Variants in CMYA5 observed in about 807,000 individuals in gnomAD.
CMYA5 encodes the protein cardiomyopathy associated 5.
A neutral mutation model predicts 318.9 loss-of-function variants in CMYA5; 246 were observed. The observed-to-expected ratio is 0.77, with a 90% CI of 0.70 to 0.86. The LOEUF is 0.86. CMYA5 is among the 40% of genes least tolerant of loss of function. CMYA5 has a pLI of 0.00. For missense variants in CMYA5, 4,589 were observed against 4,678.2 expected, an observed-to-expected ratio of 0.98 and a Z score of 0.56; for synonymous variants, 1,641 against 1,729.5, an observed-to-expected ratio of 0.95 and a Z score of 1.27.
Position 79,799,493 on chromosome 5 carries a change from G to A in CMYA5, c.12087G>A (p.Gln4029=), listed in dbSNP as rs1318209790. ...TCTTCATCAACGCAGAGAGCGAGCA[G>A]TTGCTCTTCATCATCAGGCACAGGT... is the stretch of plus-strand genomic sequence containing the variant. ...RLIFINAESE[Q]LLFIIRHRFN... Residue 4029 remains glutamine, a synonymous_variant, in exon 13 of 13, where the codon CAG becomes CAA. Transcript: ENST00000446378. The A allele has an allele frequency of 1.2e-6, 2 of 1,614,032 alleles. No individual in the cohort carries two copies. The highest frequency in any genetic ancestry group is 2.7e-5 in the African/African-American group (2 of 75,056).
At chr5:79,725,835 C>T (rs868038291) in intron 1 of CMYA5, among the ~76,000 whole-genome samples, 8 of 152,292 alleles carry the variant, frequency 5.3e-5, no homozygotes, top group Middle Eastern at 6.8e-3. Flanking sequence ...ACCCAGGAGG[C>T]AGAGGTTGCA....
At position 79,763,143 on chromosome 5, in the gene CMYA5, C is replaced by A. The variant is rs1346325492; in HGVS notation, c.11489C>A (p.Pro3830Gln). ...ACTATCCGATGGCGGCCCACCACCC[C>A]AGAGGCCACGGAGACCTACACTCTG... ...TATIRWRPTT[P>Q]EATETYTLEY... Residue 3830 changes from proline (P) to glutamine (Q), a missense_variant, in exon 9 of 13, where the codon CCA (proline) becomes CAA (glutamine). Coordinates refer to ENST00000446378, the MANE Select transcript of CMYA5 (RefSeq NM_153610.5). 1.2e-6 allele frequency: 2 copies of A among 1,610,430 alleles called. No individual in the cohort carries two copies.
chr5:79,751,220 A>G (rs542872347), intron 5 of CMYA5, among the ~76,000 whole-genome samples: 1 of 152,286 alleles, frequency 6.6e-6, no homozygotes, highest in Non-Finnish European at 1.5e-5. Flanking sequence ...CTCAGTGGGT[A>G]TGAAAGGCTC....
intron 1 of CMYA5, among the ~76,000 whole-genome samples, chr5:79,719,662 T>C (rs1463944628): frequency 2.0e-5 from 3 of 152,120 alleles, no homozygotes; most frequent in Non-Finnish European, 4.4e-5. Flanking sequence ...GAACACACAA[T>C]GAAAATATAA....
At chr5:79,768,236 G>A (rs553529818) in intron 9 of CMYA5, among the ~76,000 whole-genome samples, 5 of 152,190 alleles carry the variant, frequency 3.3e-5, no homozygotes, top group African/African-American at 1.2e-4. Context: ...ACACCAGTGG[G>A]TCTTGACTCT....
intron 1 of CMYA5, among the ~76,000 whole-genome samples, chr5:79,719,978 A>C (rs2151081058): frequency 6.6e-6 from 1 of 152,362 alleles, no homozygotes; most frequent in South Asian, 2.1e-4. Flanking sequence ...AACAGTTTAG[A>C]CACAGTTGAA....
chr5:79,703,908 T>C (rs928716062), intron 1 of CMYA5, among the ~76,000 whole-genome samples: 1 of 152,110 alleles, frequency 6.6e-6, no homozygotes, highest in African/African-American at 2.4e-5. Context: ...CTTGTCCACA[T>C]AGGGAGACCC....
intron 1 of CMYA5, among the ~76,000 whole-genome samples, chr5:79,722,114 T>G (rs1827650911): frequency 1.3e-5 from 2 of 152,082 alleles, no homozygotes; most frequent in Admixed American, 6.6e-5. Context: ...CAAAATAAAT[T>G]CTCTGATCAC....
At position 79,690,053 on chromosome 5, in the gene CMYA5, C is replaced by G. The variant is rs1298837719; in HGVS notation, c.146C>G (p.Ser49Cys). ...GCGGAGTCGGAGGAGGAGCCGGACTCCAGGTAGCGCGAGCCTCTCTCCTCG... is the reference window on the plus strand; with the variant it reads ...GCGGAGTCGGAGGAGGAGCCGGACTGCAGGTAGCGCGAGCCTCTCTCCTCG... ...TAAESEEEPD[S>C]RLSDQDEEGK... The change falls in exon 1 of 13, where the codon TCC becomes TGC. Residue 49 changes from serine to cysteine, a missense_variant. By Grantham distance (112) the Ser-to-Cys change is moderately radical. Coordinates refer to ENST00000446378, the MANE Select transcript of CMYA5 (RefSeq NM_153610.5). 6.9e-7 allele frequency: 1 copy of G among 1,443,462 alleles called. No individual in the cohort carries two copies. The highest frequency in any genetic ancestry group is 2.6e-5 in the Admixed American group (1 of 37,974). The allele number at this position is 1,443,462 out of a possible 1,614,324, so 89.4% of individuals were successfully genotyped here. A position where few individuals can be genotyped will look rare whatever the true frequency, so the allele number is the denominator to read the frequency against.
rs762824796 is a variant in CMYA5 at position 79,730,851 on chromosome 5, T to A, written c.2086T>A (p.Ser696Thr). 8.1e-6 allele frequency: 13 copies of A among 1,613,860 alleles called. No individual in the cohort carries two copies. In the Admixed American group the frequency reaches 8.3e-5, roughly 10 times the overall value. ...ESGCYTPDSTSASEYSVPSLA... is the reference protein window; with the variant it reads ...ESGCYTPDSTTASEYSVPSLA... Reference sequence around the variant, plus strand: ...TGGGTGTTACACACCAGACTCCACATCTGCTTCTGAATATTCAGTTCCATC... The same window carrying A: ...TGGGTGTTACACACCAGACTCCACAACTGCTTCTGAATATTCAGTTCCATC... The change falls in exon 2 of 13, where the codon TCT (serine) becomes ACT (threonine). Residue 696 changes from serine (S) to threonine (T), a missense_variant. By Grantham distance (58) the Ser-to-Thr change is moderately conservative (BLOSUM62 1). Coordinates refer to ENST00000446378, the MANE Select transcript of CMYA5 (RefSeq NM_153610.5).
chr5:79,789,961 A>G (rs1387358901), intron 10 of CMYA5, among the ~76,000 whole-genome samples: 1 of 152,220 alleles, frequency 6.6e-6, no homozygotes, highest in Non-Finnish European at 1.5e-5. Context: ...GAAAATACCT[A>G]GATGATGCCA....
At chr5:79,742,818 A>G (rs573817161) in intron 2 of CMYA5, among the ~76,000 whole-genome samples, 69 of 152,214 alleles carry the variant, frequency 4.5e-4, no homozygotes, top group African/African-American at 1.6e-3. Context: ...ATGTTGCGAA[A>G]GCCCAATGTT....
At chr5:79,789,866 T>G (rs530847547) in intron 10 of CMYA5, among the ~76,000 whole-genome samples, 7 of 152,244 alleles carry the variant, frequency 4.6e-5, no homozygotes, top group Non-Finnish European at 1.0e-4. Flanking sequence ...GCCTGGCACA[T>G]AATTTGTGAT....
intron 1 of CMYA5, among the ~76,000 whole-genome samples, chr5:79,725,678 A>T (rs1258703171): frequency 1.3e-5 from 2 of 152,250 alleles, no homozygotes; most frequent in East Asian, 3.9e-4. Context: ...CGAGGTGGGC[A>T]GATCACTTGA....
intron 1 of CMYA5, 112 bp from the exon 2 acceptor site, chr5:79,728,803 T>C: frequency 2.1e-6 from 1 of 472,346 alleles, no homozygotes; most frequent in Non-Finnish European, 3.2e-6. Context: ...TATTGATGTC[T>C]GTATTTTAAT....
At chr5:79,752,867 T>C in intron 6 of CMYA5, 73 bp downstream of exon 6, 4 of 1,036,126 alleles carry the variant, frequency 3.9e-6, no homozygotes, top group Non-Finnish European at 5.9e-6. Context: ...TATGTAATGA[T>C]ATATACAAAA....
chr5:79,755,794 T>C (rs1828517144), intron 6 of CMYA5, among the ~76,000 whole-genome samples: 1 of 124,648 alleles, frequency 8.0e-6, no homozygotes, highest in Non-Finnish European at 1.9e-5. Context: ...TGTTTTACCT[T>C]TAATGCTTTT....
chr5:79,739,442 TA>T, intron 2 of CMYA5, 39 bp downstream of exon 2: 1 of 1,305,300 alleles, frequency 7.7e-7, no homozygotes, highest in Non-Finnish European at 1.0e-6. Context: ...ATAATATATA[TA>T]TACACATTTA....
Position 79,737,861 on chromosome 5 carries a change from C to T in CMYA5, c.9096C>T (p.Ser3032=), listed in dbSNP as rs1460713847. 18 of 1,598,868 alleles carry T rather than the reference C, an allele frequency of 1.1e-5. No homozygotes were observed. Among genetic ancestry groups the T allele is most frequent in the Non-Finnish European group, 1.5e-5 (18 of 1,176,174 alleles). The part of the protein sequence containing the change: ...KETHKTKEEI[S]TDSETDLSFI... ...CTCATAAGACAAAAGAAGAGATATC[C>T]ACAGATTCAGAAACTGATTTATCAT... The change falls in exon 2 of 13, where the codon TCC becomes TCT. Residue 3032 remains serine, a synonymous_variant. Transcript: ENST00000446378.
Sources: allele counts gnomAD v4.1 joint callset (sites outside exome capture counted in the v4.1 genomes callset), GRCh38; gene constraint gnomAD v4.1.1; transcripts MANE v1.5; gene names NCBI Gene and HGNC (gene_info 2026-07-23, HGNC 2026-07-21).